Variants in SPHKAP observed in about 807,000 individuals in gnomAD.
SPHKAP encodes SPHK1 interactor, AKAP domain containing.
In SPHKAP, 67 loss-of-function variants were observed where a neutral mutation model predicts 137.5. The observed-to-expected ratio is 0.49, with a 90% confidence interval of 0.40 to 0.60. The LOEUF is 0.60. SPHKAP is among the 20% of genes least tolerant of loss of function. SPHKAP has a pLI of 0.00. For synonymous variants in SPHKAP, 813 were observed against 785.3 expected, an observed-to-expected ratio of 1.04 and a Z score of -0.59; for missense variants, 2,097 against 2,069.3, an observed-to-expected ratio of 1.01 and a Z score of -0.26.
At chr2:228,179,357 C>T (rs1433843994) in intron 1 of SPHKAP, among the ~76,000 whole-genome samples, 2 of 152,104 alleles carry the variant, frequency 1.3e-5, no homozygotes, top group Non-Finnish European at 2.9e-5. Context: ...GTTTTGTGAA[C>T]AAGTAGCATG....
chr2:228,113,601 CCA>C (rs1491453008), intron 2 of SPHKAP, among the ~76,000 whole-genome samples: 4 of 133,194 alleles, frequency 3.0e-5, no homozygotes, highest in Non-Finnish European at 6.2e-5. Flanking sequence ...ATGCATTTAG[CCA>C]TCTCTCTCTC....
intron 5 of SPHKAP, chr2:228,022,218 T>C (rs1694866925): frequency 2.0e-6 from 2 of 985,120 alleles, no homozygotes; most frequent in African/African-American, 3.5e-5. Flanking sequence ...TTAATTTCCC[T>C]TGGTCAAAGC....
chr2:228,110,061 G>A (rs1289431626), intron 2 of SPHKAP, among the ~76,000 whole-genome samples: 3 of 150,500 alleles, frequency 2.0e-5, no homozygotes, highest in African/African-American at 7.3e-5. Context: ...TAGGGTACGT[G>A]TCTGCTAATA....
At position 228,027,496 on chromosome 2, in the gene SPHKAP, C is replaced by G. The variant is rs1309184384; in HGVS notation, c.294G>C (p.Glu98Asp). The change falls in exon 4 of 12, where the codon GAG becomes GAC. Residue 98 changes from glutamate to aspartate, a missense_variant. Transcript: ENST00000392056. ...TTTCAAATGTTACCTGTTGCAGGTG[C>G]TCTGTGCTGCATTCATCCTTGTTCA... ...LDVNKDECST[E>D]HLQQKLVNVS... The G allele has an allele frequency of 1.9e-6, 3 of 1,613,982 alleles. No individual in the cohort carries two copies. The South Asian group carries it at 3.3e-5, about 18-fold the overall frequency.
intron 3 of SPHKAP, among the ~76,000 whole-genome samples, chr2:228,104,989 A>C (rs2106343037): frequency 6.6e-6 from 1 of 152,204 alleles, no homozygotes; most frequent in Non-Finnish European, 1.5e-5. Flanking sequence ...TTTTTTTTGA[A>C]ACAGGGTCAC....
intron 5 of SPHKAP, 93 bp from the exon 6 acceptor site, chr2:228,022,059 A>AATAG: frequency 7.0e-7 from 1 of 1,438,174 alleles, no homozygotes; most frequent in Non-Finnish European, 9.1e-7. Flanking sequence ...CTCTCCTGTT[A>AATAG]ATAGGAGTGG....
intron 9 of SPHKAP, chr2:227,991,726 CAT>C: frequency 1.0e-6 from 1 of 959,654 alleles, no homozygotes; most frequent in South Asian, 4.8e-5. Context: ...CTTAATGAAT[CAT>C]ATGTTCCCAT....
chr2:228,136,440 C>T (rs541415539), intron 1 of SPHKAP, among the ~76,000 whole-genome samples: 13 of 152,278 alleles, frequency 8.5e-5, no homozygotes, highest in African/African-American at 3.1e-4. Flanking sequence ...AAATGAGATG[C>T]TAAGTTGCCA....
chr2:228,024,387 C>T (rs1040232422), intron 5 of SPHKAP, among the ~76,000 whole-genome samples: 12 of 134,894 alleles, frequency 8.9e-5, no homozygotes, highest in Admixed American at 2.4e-4. Context: ...AGAAAGAAAA[C>T]GGGAATAAAA....
At chr2:228,125,849 G>T (rs970433321) in intron 2 of SPHKAP, among the ~76,000 whole-genome samples, 14 of 152,050 alleles carry the variant, frequency 9.2e-5, no homozygotes, top group African/African-American at 3.4e-4. Context: ...GGCCGAGGCG[G>T]GTGGACCATT....
At chr2:228,083,488 T>G (rs1417102202) in intron 3 of SPHKAP, among the ~76,000 whole-genome samples, 1 of 152,222 alleles carries the variant, frequency 6.6e-6, no homozygotes, top group Non-Finnish European at 1.5e-5. Context: ...TATCTTCTTT[T>G]GACAAGTGTC....
intron 3 of SPHKAP, among the ~76,000 whole-genome samples, chr2:228,100,576 C>CT (rs1380450186): frequency 6.6e-6 from 1 of 151,944 alleles, no homozygotes; most frequent in Admixed American, 6.6e-5. Flanking sequence ...TTATGAAAAG[C>CT]TTTTTCTGCA....
chr2:228,167,689 C>T (rs532267973), intron 1 of SPHKAP, among the ~76,000 whole-genome samples: 12 of 152,156 alleles, frequency 7.9e-5, no homozygotes, highest in East Asian at 5.8e-4. Context: ...TATTCGTATA[C>T]GCAGTCTACC....
At chr2:228,068,825 C>T (rs1435278989) in intron 3 of SPHKAP, among the ~76,000 whole-genome samples, 2 of 152,288 alleles carry the variant, frequency 1.3e-5, no homozygotes, top group East Asian at 3.9e-4. Flanking sequence ...AGCAAATGCC[C>T]TTTATGCAGC....
At chr2:228,035,223 C>G (rs1440124563) in intron 3 of SPHKAP, among the ~76,000 whole-genome samples, 95 of 127,190 alleles carry the variant, frequency 7.5e-4, no homozygotes, top group African/African-American at 2.8e-3. Context: ...CACAAGCATT[C>G]TTATACACCA....
chr2:228,148,995 C>T (rs963917416), intron 1 of SPHKAP, among the ~76,000 whole-genome samples: 2 of 152,072 alleles, frequency 1.3e-5, no homozygotes, highest in Non-Finnish European at 2.9e-5. Context: ...GGGTAATACG[C>T]TGGATTTGTG....
intron 3 of SPHKAP, among the ~76,000 whole-genome samples, chr2:228,105,691 G>A (rs570783442): frequency 5.3e-5 from 8 of 152,092 alleles, no homozygotes; most frequent in Admixed American, 1.3e-4. Context: ...ATACTGTTCC[G>A]GTGACGGTGA....
intron 11 of SPHKAP, chr2:227,982,437 G>A (rs1372202010): frequency 5.6e-6 from 5 of 885,616 alleles, no homozygotes; most frequent in Non-Finnish European, 6.8e-6. Context: ...AAACACCTTA[G>A]ATTTGTCACC....
intron 7 of SPHKAP, among the ~76,000 whole-genome samples, chr2:228,007,004 G>C (rs1694168553): frequency 6.6e-6 from 1 of 152,174 alleles, no homozygotes; most frequent in Non-Finnish European, 1.5e-5. Flanking sequence ...ACTTGAGGAG[G>C]CAGTCTGTCC....
Sources: gnomAD v4.1 joint callset for allele counts (sites outside exome capture counted in the v4.1 genomes callset) on GRCh38, gnomAD v4.1.1 for gene constraint, MANE v1.5 for transcripts, NCBI Gene and HGNC (gene_info 2026-07-23, HGNC 2026-07-21) for gene names.